The following ARHGAP26 variants were observed in gnomAD, a reference collection of about 807,000 sequenced individuals.
The protein encoded by ARHGAP26 is Rho GTPase activating protein 26.
A neutral mutation model predicts 104.8 loss-of-function variants in ARHGAP26; 38 were observed. The observed-to-expected ratio is 0.36, with a 90% CI of 0.28 to 0.48. The LOEUF is 0.48. Ranked by LOEUF, ARHGAP26 falls within the 20% of genes least tolerant of loss-of-function variation. The pLI is 0.99. For missense variants in ARHGAP26, 704 were observed against 947.9 expected (o/e 0.74, Z 3.38); for synonymous variants, 341 against 340.0 (o/e 1.00, Z -0.03).
chr5:143,179,430 G>A (rs1020287282), intron 20 of ARHGAP26, among the ~76,000 whole-genome samples: 2 of 152,178 alleles, frequency 1.3e-5, no homozygotes, highest in African/African-American at 2.4e-5. Context: ...CCTGGGTTGC[G>A]TTGCTTTTTG....
chr5:142,885,292 T>G lies in ARHGAP26; in HGVS notation c.385-6T>G. The G allele has an allele frequency of 6.2e-7, 1 of 1,612,390 alleles. No individual in the cohort carries two copies. Among genetic ancestry groups the G allele is most frequent in the Non-Finnish European group, 8.5e-7 (1 of 1,178,774 alleles). On this transcript the variant is annotated splice_polypyrimidine_tract_variant and splice_region_variant and intron_variant, in intron 4 of 22. Transcript: ENST00000645722. ...TTTTTCTTTTTCTCTTCTCTTTTTT[T>G]GCCAGGAAGCCAAAAAGAAGTATGA... is the stretch of plus-strand genomic sequence containing the variant.
At chr5:143,046,303 CA>C (rs1169477602) in intron 14 of ARHGAP26, among the ~76,000 whole-genome samples, 4 of 149,434 alleles carry the variant, frequency 2.7e-5, no homozygotes, top group African/African-American at 4.9e-5. Context: ...GACTCAGTCT[CA>C]AAAAAAAAGG....
intron 17 of ARHGAP26, among the ~76,000 whole-genome samples, chr5:143,062,125 A>G (rs547312570): frequency 3.3e-5 from 5 of 152,336 alleles, no homozygotes; most frequent in African/African-American, 9.6e-5. Context: ...TATTAAGTCT[A>G]TTGCATGGTG....
intron 1 of ARHGAP26, among the ~76,000 whole-genome samples, chr5:142,833,590 G>A (rs1199310848): frequency 3.9e-5 from 6 of 152,026 alleles, no homozygotes; most frequent in South Asian, 4.1e-4. Flanking sequence ...CCTTGAAGTG[G>A]AATTACTTGG....
rs536168459 is a variant in ARHGAP26, at chr5:143,214,917, A to G, written c.2191+829A>G. On this transcript the variant is annotated intron_variant, in intron 22 of 22. Coordinates refer to ENST00000645722, the MANE Select transcript of ARHGAP26 (RefSeq NM_001135608.3). The stretch of plus-strand genomic sequence containing the variant: ...AGCACTGTCCTTAAGCCTTTGCTCC[A>G]TTAACTTTCATCTAGGCCCTTTATA... 2.6e-4 allele frequency among the ~76,000 whole-genome samples: 40 copies of G among 152,320 alleles called. 1 individual carries two copies. The highest frequency in any genetic ancestry group is 8.9e-4 in the African/African-American group (37 of 41,566).
intron 18 of ARHGAP26, among the ~76,000 whole-genome samples, chr5:143,130,514 C>G (rs903345942): frequency 3.3e-5 from 5 of 152,156 alleles, no homozygotes; most frequent in Non-Finnish European, 7.4e-5. Context: ...ATCCATGGCT[C>G]ATAGGTTATA....
At chr5:143,082,754 C>A (rs935051464) in intron 17 of ARHGAP26, among the ~76,000 whole-genome samples, 1 of 152,192 alleles carries the variant, frequency 6.6e-6, no homozygotes, top group Admixed American at 6.5e-5. Flanking sequence ...TTTAGACATA[C>A]CTCTCCTTCT....
chr5:142,975,944 C>T lies in ARHGAP26; in HGVS notation c.1108-38136C>T, dbSNP rs1198384913. On this transcript the variant is annotated intron_variant, in intron 11 of 22. Coordinates refer to ENST00000645722, the MANE Select transcript of ARHGAP26 (RefSeq NM_001135608.3). Reference sequence around the variant, plus strand: ...ACCAGTAACTGCTTTGTCTGGTGCTCAGCTGAATAAACCACCGTATGGAGG... The same window carrying T: ...ACCAGTAACTGCTTTGTCTGGTGCTTAGCTGAATAAACCACCGTATGGAGG... 2.6e-5 allele frequency among the ~76,000 whole-genome samples: 4 copies of T among 152,190 alleles called. No individual in the cohort carries two copies. In the South Asian group the frequency reaches 8.3e-4, roughly 31 times the overall value.
At chr5:142,897,125 G>C (rs1283064233) in intron 6 of ARHGAP26, among the ~76,000 whole-genome samples, 2 of 152,186 alleles carry the variant, frequency 1.3e-5, no homozygotes, top group East Asian at 3.8e-4. Context: ...GATGTGTGTA[G>C]TAGAGAGCTA....
In ARHGAP26 at chr5:143,134,111, T is replaced by A. The variant is rs1243108584; in HGVS notation, c.1837+6T>A. On this transcript the variant is annotated splice_donor_region_variant and intron_variant, in intron 19 of 22. Transcript: ENST00000645722. ...CGTTCAGTCAACAGAGAAACGTGAG[T>A]CTTTGCTGCATAGGGCCAGCGTGGC... The A allele has an allele frequency of 6.2e-7, 1 of 1,607,796 alleles. No homozygotes were observed.
chr5:143,192,824 T>A (rs1298033431), intron 20 of ARHGAP26, among the ~76,000 whole-genome samples: 1 of 152,174 alleles, frequency 6.6e-6, no homozygotes, highest in Non-Finnish European at 1.5e-5. Flanking sequence ...TCTTCTTCCC[T>A]CTTTTTTTTT....
rs941183526 is a variant in ARHGAP26, at chr5:143,211,241, G to C, written c.2100-2756G>C. On this transcript the variant is annotated intron_variant, in intron 21 of 22. Coordinates refer to ENST00000645722, the MANE Select transcript of ARHGAP26 (RefSeq NM_001135608.3). ...CAGACCCAGTTAAATTTGGATGGTA[G>C]ATAAACAACAAAAATTTTTTCATAT... Among the ~76,000 whole-genome samples the C allele has an allele frequency of 7.2e-5, 11 of 152,226 alleles. No homozygotes were observed. The East Asian group carries it at 2.1e-3, about 29-fold the overall frequency.
At chr5:142,796,934 G>C (rs1028539876) in intron 1 of ARHGAP26, among the ~76,000 whole-genome samples, 1 of 152,200 alleles carries the variant, frequency 6.6e-6, no homozygotes, top group African/African-American at 2.4e-5. Context: ...ATGGGGTTCC[G>C]TTTCCACTGG....
At chr5:142,788,276 C>T (rs1312454557) in intron 1 of ARHGAP26, among the ~76,000 whole-genome samples, 1 of 152,138 alleles carries the variant, frequency 6.6e-6, no homozygotes, top group Non-Finnish European at 1.5e-5. Flanking sequence ...GCTGGGATTA[C>T]AGGCACGAGA....
intron 20 of ARHGAP26, among the ~76,000 whole-genome samples, chr5:143,158,971 CAAG>C (rs1177386395): frequency 6.6e-6 from 1 of 152,154 alleles, no homozygotes; most frequent in Non-Finnish European, 1.5e-5. Context: ...TAACATAACT[CAAG>C]GAGGGTTTAT....
At chr5:143,119,008 A>G (rs905299467) in intron 17 of ARHGAP26, among the ~76,000 whole-genome samples, 1 of 152,132 alleles carries the variant, frequency 6.6e-6, no homozygotes, top group African/African-American at 2.4e-5. Flanking sequence ...AGTCGTCATT[A>G]TCAGAACAAT....
intron 17 of ARHGAP26, among the ~76,000 whole-genome samples, chr5:143,085,248 G>A (rs1790406649): frequency 6.6e-6 from 1 of 152,062 alleles, no homozygotes; most frequent in Non-Finnish European, 1.5e-5. Flanking sequence ...CTGGCCTGCA[G>A]TAGGTGCTTC....
chr5:142,858,523 A>G (rs912014342), intron 1 of ARHGAP26, among the ~76,000 whole-genome samples: 38 of 152,248 alleles, frequency 2.5e-4, no homozygotes, highest in Admixed American at 1.2e-3. Context: ...TTTTAGAAAA[A>G]GGGGATTGCA....
chr5:143,131,182 G>GCTA (rs1797308924), intron 18 of ARHGAP26, among the ~76,000 whole-genome samples: 2 of 152,244 alleles, frequency 1.3e-5, no homozygotes, highest in Admixed American at 6.5e-5. Context: ...TTCCTGCTCT[G>GCTA]CTGTATATAA....
Sources: allele counts gnomAD v4.1 joint callset (sites outside exome capture counted in the v4.1 genomes callset), GRCh38; gene constraint gnomAD v4.1.1; transcripts MANE v1.5; gene names NCBI Gene and HGNC (gene_info 2026-07-23, HGNC 2026-07-21).